Variants in PTPRN2 observed in about 807,000 individuals in gnomAD.
The protein encoded by PTPRN2 is receptor-type tyrosine-protein phosphatase N2.
PTPRN2 carries 74 observed loss-of-function variants against 118.8 expected under a neutral mutation model. That is an observed-to-expected ratio of 0.62 (90% confidence interval 0.52 to 0.76). The LOEUF is 0.76. Among genes scored for constraint, PTPRN2 ranks in the 30% least tolerant of loss-of-function variants. The probability of loss-of-function intolerance (pLI) is 0.00; values close to 1 mark genes in which losing one functional copy is unlikely to be tolerated. For synonymous variants in PTPRN2, 641 were observed against 608.0 expected (o/e 1.05, Z -0.80); for missense variants, 1,481 against 1,394.4 (o/e 1.06, Z -0.99).
At chr7:157,541,208 G>C (rs1563196405) in intron 22 of PTPRN2, among the ~76,000 whole-genome samples, 2 of 152,218 alleles carry the variant, frequency 1.3e-5, no homozygotes, top group African/African-American at 4.8e-5. Flanking sequence ...CAAAGACGTG[G>C]CCATTAAAAC....
At chr7:158,191,620 T>G (rs946777407) in intron 5 of PTPRN2, among the ~76,000 whole-genome samples, 5 of 152,248 alleles carry the variant, frequency 3.3e-5, no homozygotes, top group African/African-American at 1.2e-4. Context: ...CAAAATTTAC[T>G]GAGATTCCTA....
intron 5 of PTPRN2, among the ~76,000 whole-genome samples, chr7:158,181,158 G>A (rs1248760045): frequency 6.6e-6 from 1 of 152,146 alleles, no homozygotes; most frequent in Non-Finnish European, 1.5e-5. Context: ...AAGTGATGCT[G>A]GGTTTTATTG....
At chr7:158,052,952 A>G (rs1304189104) in intron 11 of PTPRN2, among the ~76,000 whole-genome samples, 1 of 151,812 alleles carries the variant, frequency 6.6e-6, no homozygotes, top group Non-Finnish European at 1.5e-5. Context: ...TGCGAACTGC[A>G]CCTCGGGGGC....
chr7:158,515,430 G>A (rs1823480101), intron 1 of PTPRN2, among the ~76,000 whole-genome samples: 1 of 151,998 alleles, frequency 6.6e-6, no homozygotes, highest in Admixed American at 6.6e-5. Flanking sequence ...CAGGTGATCA[G>A]CCCGCCTCAG....
At chr7:157,966,237 G>A (rs758734788) in intron 11 of PTPRN2, among the ~76,000 whole-genome samples, 38 of 152,072 alleles carry the variant, frequency 2.5e-4, no homozygotes, top group Non-Finnish European at 4.9e-4. Context: ...CTGCCTTCCT[G>A]TGAAAGAAAA....
At chr7:158,001,627 A>G (rs1805271000) in intron 11 of PTPRN2, among the ~76,000 whole-genome samples, 1 of 152,124 alleles carries the variant, frequency 6.6e-6, no homozygotes, top group Non-Finnish European at 1.5e-5. Flanking sequence ...GCAGTGTAGT[A>G]GATGGTAAAA....
chr7:158,047,928 T>G (rs1809004981), intron 11 of PTPRN2, among the ~76,000 whole-genome samples: 1 of 152,000 alleles, frequency 6.6e-6, no homozygotes, highest in Non-Finnish European at 1.5e-5. Context: ...GACCTGGGGG[T>G]AGGAGTACCG....
chr7:157,748,681 TGC>T (rs1351124738), intron 12 of PTPRN2, among the ~76,000 whole-genome samples: 41 of 147,188 alleles, frequency 2.8e-4, no homozygotes, highest in African/African-American at 1.0e-3. Context: ...TTGTGAGGCC[TGC>T]GTCTATGAGC....
At chr7:158,130,433 C>G (rs4909266) in intron 9 of PTPRN2, among the ~76,000 whole-genome samples, 1 of 148,478 alleles carries the variant, frequency 6.7e-6, no homozygotes, top group Admixed American at 6.7e-5. Context: ...CACACACACA[C>G]GTACATACAG....
chr7:158,491,856 T>A (rs1334230983), intron 1 of PTPRN2, among the ~76,000 whole-genome samples: 1 of 152,200 alleles, frequency 6.6e-6, no homozygotes, highest in Non-Finnish European at 1.5e-5. Flanking sequence ...TTCTCTGCAT[T>A]ATTTCTTCAT....
chr7:157,904,248 A>G (rs1797631216), intron 11 of PTPRN2, among the ~76,000 whole-genome samples: 2 of 152,228 alleles, frequency 1.3e-5, no homozygotes, highest in Non-Finnish European at 1.5e-5. Flanking sequence ...AAAGGTCACC[A>G]GGATTCTCCT....
chr7:158,482,053 T>C (rs1820684423), intron 2 of PTPRN2, among the ~76,000 whole-genome samples: 1 of 152,202 alleles, frequency 6.6e-6, no homozygotes, highest in African/African-American at 2.4e-5. Flanking sequence ...TTAGCAGAGC[T>C]GCCTGAAGAT....
At chr7:158,304,606 G>GATTTCTACA (rs1801144910) in intron 3 of PTPRN2, among the ~76,000 whole-genome samples, 1 of 152,238 alleles carries the variant, frequency 6.6e-6, no homozygotes, top group African/African-American at 2.4e-5. Context: ...CACAGGCTTG[G>GATTTCTACA]TCCAGAAAGA....
intron 11 of PTPRN2, among the ~76,000 whole-genome samples, chr7:157,976,928 G>A (rs1270752859): frequency 6.6e-6 from 1 of 151,874 alleles, no homozygotes; most frequent in African/African-American, 2.4e-5. Flanking sequence ...TAGTGGAAGA[G>A]AAGTTGAATC....
intron 2 of PTPRN2, among the ~76,000 whole-genome samples, chr7:158,447,746 G>A (rs184592295): frequency 1.3e-5 from 2 of 152,376 alleles, no homozygotes; most frequent in Admixed American, 1.3e-4. Flanking sequence ...TGAAGACGAA[G>A]GCTGCCCCGT....
In PTPRN2 at chr7:157,803,836, G is replaced by T. The variant is rs117673557; in HGVS notation, c.1788+94837C>A. On this transcript the variant is annotated intron_variant, in intron 12 of 22. Transcript: ENST00000389418. ...AACCATAGCTTTGTAATATATTTTG[G>T]AATTGGGAACTGTTGCATGATTTTT... 3.0e-4 allele frequency among the ~76,000 whole-genome samples: 46 copies of T among 152,102 alleles called. 1 individual carries two copies. The East Asian group carries it at 8.9e-3, about 29-fold the overall frequency.
chr7:157,921,556 G>A (rs6459818), intron 11 of PTPRN2, among the ~76,000 whole-genome samples: 81,596 of 152,114 alleles, frequency 0.54, 22,288 homozygotes, highest in Admixed American at 0.63. Flanking sequence ...GTCATTAAGA[G>A]GGACTGATGG....
intron 12 of PTPRN2, among the ~76,000 whole-genome samples, chr7:157,816,757 C>G (rs1313229785): frequency 6.6e-6 from 1 of 152,202 alleles, no homozygotes; most frequent in Non-Finnish European, 1.5e-5. Context: ...CCTCTGCCCT[C>G]TGCCCTCTGC....
intron 4 of PTPRN2, among the ~76,000 whole-genome samples, chr7:158,194,586 A>G (rs914747567): frequency 1.3e-5 from 2 of 152,230 alleles, no homozygotes; most frequent in Non-Finnish European, 2.9e-5. Flanking sequence ...CACAAGACTC[A>G]GGCCTCCCTC....
Sources: allele counts gnomAD v4.1 joint callset (sites outside exome capture counted in the v4.1 genomes callset), GRCh38; gene constraint gnomAD v4.1.1; transcripts MANE v1.5; gene names NCBI Gene and HGNC (gene_info 2026-07-23, HGNC 2026-07-21).